RARS2: variants seen among roughly 807,000 people sequenced by gnomAD.
RARS2 encodes the protein probable arginine--tRNA ligase, mitochondrial.
A neutral mutation model predicts 88.5 loss-of-function variants in RARS2; 67 were observed. The ratio of observed to expected loss-of-function variants is 0.76; its 90% CI spans 0.62 to 0.93. RARS2 has a LOEUF of 0.93. RARS2 is among the 40% of genes least tolerant of loss of function. RARS2 has a pLI of 0.00. For synonymous variants in RARS2, 239 were observed against 230.3 expected, an observed-to-expected ratio of 1.04 and a Z score of -0.34; for missense variants, 664 against 684.2, an observed-to-expected ratio of 0.97 and a Z score of 0.33.
rs151136630 is a variant in RARS2 at position 87,571,290 on chromosome 6, T to C, written c.37-1700A>G. ...CCTTGCTGCTGCCATGTGAAGAATGTGTCTGCTTCCCCTTCTGCAACGATT... is the reference window on the plus strand; with the variant it reads ...CCTTGCTGCTGCCATGTGAAGAATGCGTCTGCTTCCCCTTCTGCAACGATT... On this transcript the variant is annotated intron_variant, in intron 1 of 19. Transcript: ENST00000369536. Among the ~76,000 whole-genome samples the C allele has an allele frequency of 2.0e-5, 3 of 152,312 alleles. No individual in the cohort carries two copies. The East Asian group carries it at 5.8e-4, about 29-fold the overall frequency.
intron 1 of RARS2, among the ~76,000 whole-genome samples, chr6:87,572,953 G>T (rs1472020769): frequency 2.0e-5 from 3 of 152,018 alleles, no homozygotes; most frequent in Non-Finnish European, 2.9e-5. Flanking sequence ...GTAAATAGCA[G>T]GAATGAAGTT....
intron 4 of RARS2, among the ~76,000 whole-genome samples, chr6:87,562,105 C>T (rs1293496474): frequency 2.0e-5 from 3 of 152,184 alleles, no homozygotes; most frequent in Non-Finnish European, 4.4e-5. Context: ...GTTGGGACTA[C>T]AGGCGCAAAC....
intron 5 of RARS2, among the ~76,000 whole-genome samples, chr6:87,554,362 T>C (rs1785172012): frequency 6.6e-6 from 1 of 152,018 alleles, no homozygotes; most frequent in Non-Finnish European, 1.5e-5. Flanking sequence ...GAAGACTATT[T>C]AGAGGCACAT....
intron 5 of RARS2, among the ~76,000 whole-genome samples, chr6:87,552,069 G>A (rs528650534): frequency 1.2e-4 from 19 of 152,132 alleles, no homozygotes; most frequent in Admixed American, 4.6e-4. Context: ...CCTACACTAC[G>A]TACCAGGGAG....
chr6:87,549,032 A>T (rs764182799), intron 5 of RARS2, among the ~76,000 whole-genome samples: 1 of 152,066 alleles, frequency 6.6e-6, no homozygotes, highest in Non-Finnish European at 1.5e-5. Flanking sequence ...TGGGCAACAT[A>T]TCAAGACTGT....
chr6:87,564,203 T>A lies in RARS2; in HGVS notation c.140A>T (p.Asp47Val). 4 of 1,613,616 alleles carry A rather than the reference T, an allele frequency of 2.5e-6. No homozygotes were observed. The highest frequency in any genetic ancestry group is 3.4e-6 in the Non-Finnish European group (4 of 1,179,632). Residue 47 changes from aspartate (D) to valine (V), a missense_variant, in exon 3 of 20, where the codon GAT (aspartate) becomes GTT (valine). Physicochemically the swap from Asp to Val is radical, Grantham distance 152. Transcript: ENST00000369536. ...GTCATTGTCTTTTTCCAATAAAGAA[T>A]CCACAGAAAGCTGAAAATCAGCTAC... ...EEVADFQLSV[D>V]SLLEKDNDHS...
intron 18 of RARS2, chr6:87,515,697 TA>T (rs1001457336): frequency 6.6e-6 from 1 of 152,166 alleles, no homozygotes; most frequent in African/African-American, 2.4e-5. Flanking sequence ...GGCCACTCTT[TA>T]AAGTATCTTT....
At chr6:87,525,047 T>C (rs1215190234) in intron 10 of RARS2, among the ~76,000 whole-genome samples, 1 of 152,214 alleles carries the variant, frequency 6.6e-6, no homozygotes, top group Non-Finnish European at 1.5e-5. Flanking sequence ...TACCCAAGTA[T>C]TAAAACTACA....
At chr6:87,539,267 G>C (rs1235640526) in intron 8 of RARS2, among the ~76,000 whole-genome samples, 2 of 152,176 alleles carry the variant, frequency 1.3e-5, no homozygotes, top group African/African-American at 4.8e-5. Flanking sequence ...TGTGTAAAAA[G>C]TGAAGTAGAG....
chr6:87,547,896 T>C (rs1429221593), intron 6 of RARS2, among the ~76,000 whole-genome samples: 1 of 152,152 alleles, frequency 6.6e-6, no homozygotes, highest in African/African-American at 2.4e-5. Context: ...TGCTTCAGCC[T>C]CCCAAAGTGC....
In RARS2 at chr6:87,516,886, A is replaced by G. The variant is rs185924037; in HGVS notation, c.1512-6T>C. ...TATAAAGCACCTCGTCGAACCTAAA[A>G]GATGACAGGAACAGTGAACAGGAAA... On this transcript the variant is annotated splice_region_variant and splice_polypyrimidine_tract_variant and intron_variant, in intron 17 of 19. Transcript: ENST00000369536. 2.8e-5 allele frequency: 45 copies of G among 1,613,604 alleles called. No individual in the cohort carries two copies. In the African/African-American group the frequency reaches 4.9e-4, roughly 18 times the overall value.
At chr6:87,543,717 T>C (rs903617144) in intron 7 of RARS2, among the ~76,000 whole-genome samples, 2 of 152,112 alleles carry the variant, frequency 1.3e-5, no homozygotes, top group African/African-American at 2.4e-5. Flanking sequence ...CTGATACACA[T>C]TTTTCTATTC....
intron 3 of RARS2, 39 bp downstream of exon 3, chr6:87,564,091 T>A (rs1398490554): frequency 6.8e-7 from 1 of 1,479,906 alleles, no homozygotes; most frequent in South Asian, 1.1e-5. Context: ...AATAACAAGT[T>A]TATTACAATG....
chr6:87,563,072 A>T (rs1788352286), intron 3 of RARS2, among the ~76,000 whole-genome samples: 1 of 152,100 alleles, frequency 6.6e-6, no homozygotes, highest in South Asian at 2.1e-4. Context: ...AAATCACTCT[A>T]CCCATATTCT....
Position 87,524,581 on chromosome 6 carries a change from T to C in RARS2, c.950A>G (p.Asp317Gly). The change falls in exon 11 of 20, where the codon GAT becomes GGT. Residue 317 changes from aspartate to glycine, a missense_variant. Coordinates refer to ENST00000369536, the MANE Select transcript of RARS2 (RefSeq NM_020320.5). ...CCTGGTTGCATAGAGAGAAGTCCCA[T>C]CACTTCGCATTACAGTACAAATTGA... ...PSSICTVMRS[D>G]GTSLYATRDL... is the part of the protein sequence containing the mutation. 1 of 1,612,710 alleles carries C rather than the reference T, an allele frequency of 6.2e-7. No individual in the cohort carries two copies. The highest frequency in any genetic ancestry group is 8.5e-7 in the Non-Finnish European group (1 of 1,178,792).
At chr6:87,534,144 C>T (rs1318828397) in intron 8 of RARS2, among the ~76,000 whole-genome samples, 3 of 152,094 alleles carry the variant, frequency 2.0e-5, no homozygotes, top group African/African-American at 7.2e-5. Context: ...TGATTCCGAA[C>T]ATGAAATGAA....
In RARS2 at chr6:87,526,672, ATT is replaced by A. The variant is rs138481516; in HGVS notation, c.879-2022_879-2021del. On this transcript the variant is annotated intron_variant, in intron 10 of 19. Coordinates refer to ENST00000369536, the MANE Select transcript of RARS2 (RefSeq NM_020320.5). ...AATTCACACATTTATGGTCAACTGA[ATT>A]TTTTTTTTTTTTTGAGATGGAATTT... Among the ~76,000 whole-genome samples the A allele has an allele frequency of 2.9e-3, 420 of 143,934 alleles. 1 individual carries two copies. Among genetic ancestry groups the A allele is most frequent in the African/African-American group, 8.7e-3 (337 of 38,874 alleles). 94.4% of individuals were successfully genotyped at this position (143,934 alleles called of 152,430 possible).
intron 5 of RARS2, among the ~76,000 whole-genome samples, chr6:87,554,977 G>A (rs1279504371): frequency 1.3e-5 from 2 of 151,900 alleles, no homozygotes; most frequent in Admixed American, 6.6e-5. Flanking sequence ...GGTGGCGGGC[G>A]CCTGTAGTCC....
intron 5 of RARS2, among the ~76,000 whole-genome samples, chr6:87,550,085 T>C (rs1783872474): frequency 6.6e-6 from 1 of 152,236 alleles, no homozygotes; most frequent in Admixed American, 6.5e-5. Context: ...TGGATATGTG[T>C]GCACAATTAT....
Sources: gnomAD v4.1 joint callset for allele counts (sites outside exome capture counted in the v4.1 genomes callset) on GRCh38, gnomAD v4.1.1 for gene constraint, MANE v1.5 for transcripts, NCBI Gene and HGNC (gene_info 2026-07-23, HGNC 2026-07-21) for gene names.